Variants in CD1D observed in about 807,000 individuals in gnomAD.
CD1D encodes antigen-presenting glycoprotein CD1d.
In CD1D, 40 loss-of-function variants were observed where a neutral mutation model predicts 42.1. The observed-to-expected ratio is 0.95, with a 90% CI of 0.74 to 1.24. The LOEUF (loss-of-function observed/expected upper bound fraction) is 1.24. Among genes scored for constraint, CD1D ranks in the 50% most tolerant of loss-of-function variants. CD1D has a pLI of 0.00. For synonymous variants in CD1D, 178 were observed against 171.8 expected (o/e 1.04, Z -0.28); for missense variants, 437 against 416.5 (o/e 1.05, Z -0.43).
upstream of CD1D, chr1:158,180,262 C>T (rs1338375638): frequency 6.6e-6 from 1 of 152,234 alleles, no homozygotes; most frequent in Non-Finnish European, 1.5e-5. Context: ...TCATCTTACA[C>T]TTACTGTTTA....
intron 4 of CD1D, 74 bp from the exon 5 acceptor site, chr1:158,183,862 G>C: frequency 8.6e-7 from 1 of 1,162,742 alleles, no homozygotes; most frequent in Admixed American, 1.7e-5. Context: ...CCTCACACAT[G>C]CCTAGACCAG....
At position 158,180,976 on chromosome 1, in the gene CD1D, G is replaced by C. The variant is rs1372595745; in HGVS notation, c.-126G>C. 1.2e-6 allele frequency: 1 copy of C among 834,592 alleles called. No homozygotes were observed. The highest frequency in any genetic ancestry group is 1.7e-6 in the Non-Finnish European group (1 of 572,192). The allele number at this position is 834,592 out of a possible 1,614,324, so 51.7% of individuals were successfully genotyped here. ...CAAGCCCAGCGAGGAGGGCTGCCGG[G>C]GTCTGGGCTTGGGAATTGGCTGGCA... On this transcript the variant is annotated 5_prime_UTR_variant, in exon 1 of 6. Transcript: ENST00000674085.
intron 4 of CD1D, among the ~76,000 whole-genome samples, chr1:158,183,500 G>A (rs2101582009): frequency 6.6e-6 from 1 of 152,316 alleles, no homozygotes; most frequent in Non-Finnish European, 1.5e-5. Context: ...AAGATAGCTT[G>A]GTTGGTTGAG....
At chr1:158,178,622 A>G (rs78954064), upstream of CD1D, among the ~76,000 whole-genome samples, 1,962 of 152,218 alleles carry the variant, frequency 0.013, 56 homozygotes, top group African/African-American at 0.044. Context: ...ACCAAAATTA[A>G]CACATTTGCC....
At chr1:158,181,362 A>G in intron 1 of CD1D, 93 bp from the exon 2 acceptor site, 4 of 1,527,912 alleles carry the variant, frequency 2.6e-6, no homozygotes, top group Non-Finnish European at 3.6e-6. Context: ...CGCCTCCTGA[A>G]GCTCATCTCC....
In CD1D at chr1:158,185,579, C is replaced by T. The variant is rs536923069; in HGVS notation, c.*1429C>T. Reference sequence around the variant, plus strand: ...TGGTGAGCGCCTGTAGTCCTAGCTACTCTGGAGGCTGAGGTGGGAGGATCC... The same window carrying T: ...TGGTGAGCGCCTGTAGTCCTAGCTATTCTGGAGGCTGAGGTGGGAGGATCC... On this transcript the variant is annotated 3_prime_UTR_variant, in exon 6 of 6. Transcript: ENST00000674085. 3.3e-5 allele frequency among the ~76,000 whole-genome samples: 5 copies of T among 152,254 alleles called. No individual in the cohort carries two copies. The highest frequency in any genetic ancestry group is 1.2e-4 in the African/African-American group (5 of 41,538).
Position 158,181,441 on chromosome 1 carries a change from T to C in CD1D, c.62-14T>C, listed in dbSNP as rs1402231930. 6.2e-7 allele frequency: 1 copy of C among 1,612,074 alleles called. No homozygotes were observed. Among genetic ancestry groups the C allele is most frequent in the Non-Finnish European group, 8.5e-7 (1 of 1,178,592 alleles). ...GCCACTTGCTACACGCCTCCAATCTTCATTCTCTCCCAGTCCCGCAAAGGC... is the reference window on the plus strand; with the variant it reads ...GCCACTTGCTACACGCCTCCAATCTCCATTCTCTCCCAGTCCCGCAAAGGC... On this transcript the variant is annotated splice_polypyrimidine_tract_variant and intron_variant, in intron 1 of 5. Coordinates refer to ENST00000674085, the MANE Select transcript of CD1D (RefSeq NM_001371762.2).
Position 158,184,381 on chromosome 1 carries a change from A to G in CD1D, c.*231A>G. On this transcript the variant is annotated 3_prime_UTR_variant, in exon 6 of 6. Coordinates refer to ENST00000674085, the MANE Select transcript of CD1D (RefSeq NM_001371762.2). ...ATTACACTACAAGTTTATAAGCCCA[A>G]ATGGCTCTGTGAAATCAGAAGTGCA... 1.7e-6 allele frequency: 1 copy of G among 582,458 alleles called. No homozygotes were observed. The highest frequency in any genetic ancestry group is 3.0e-6 in the Non-Finnish European group (1 of 329,254). The allele number at this position is 582,458 out of a possible 1,614,324, so 36.1% of individuals were successfully genotyped here.
Position 158,181,010 on chromosome 1 carries a change from A to G in CD1D, c.-92A>G, listed in dbSNP as rs1306114331. The stretch of plus-strand genomic sequence containing the variant: ...TTGGGAATTGGCTGGCACCCAGCGG[A>G]AAGGGACGTGAGCTGAGCGGCGGGG... On this transcript the variant is annotated 5_prime_UTR_variant, in exon 1 of 6. Transcript: ENST00000674085. 2 of 1,187,240 alleles carry G rather than the reference A, an allele frequency of 1.7e-6. No individual in the cohort carries two copies. Among genetic ancestry groups the G allele is most frequent in the Admixed American group, 2.8e-5 (1 of 35,136 alleles). The allele number at this position is 1,187,240 out of a possible 1,614,324, so 73.5% of individuals were successfully genotyped here.
chr1:158,185,908 T>C lies in CD1D; in HGVS notation c.*1758T>C, dbSNP rs1648685717. 6.6e-6 allele frequency among the ~76,000 whole-genome samples: 1 copy of C among 152,170 alleles called. No homozygotes were observed. The highest frequency in any genetic ancestry group is 1.5e-5 in the Non-Finnish European group (1 of 68,026). On this transcript the variant is annotated 3_prime_UTR_variant, in exon 6 of 6. Coordinates refer to ENST00000674085, the MANE Select transcript of CD1D (RefSeq NM_001371762.2). ...GTTAGAGAACCACTGTTCTTAGACA[T>C]TGTGCAATGTTATACAACAACTTCC...
chr1:158,182,254 G>A lies in CD1D; in HGVS notation c.551G>A (p.Cys184Tyr). 1 of 1,614,164 alleles carries A rather than the reference G, an allele frequency of 6.2e-7. No individual in the cohort carries two copies. The highest frequency in any genetic ancestry group is 8.5e-7 in the Non-Finnish European group (1 of 1,180,020). Residue 184 changes from cysteine (C) to tyrosine (Y), a missense_variant, in exon 3 of 6, where the codon TGC (cysteine) becomes TAC (tyrosine). Physicochemically the swap from Cys to Tyr is radical, Grantham distance 194. Transcript: ENST00000674085. ...ETVQWLLNGT[C>Y]PQFVSGLLES... ...GTGCAGTGGCTCCTTAATGGCACCTGCCCCCAATTTGTCAGTGGCCTCCTT... is the reference window on the plus strand; with the variant it reads ...GTGCAGTGGCTCCTTAATGGCACCTACCCCCAATTTGTCAGTGGCCTCCTT...
At chr1:158,181,788 G>GTT in intron 2 of CD1D, 67 bp downstream of exon 2, 1 of 1,568,082 alleles carries the variant, frequency 6.4e-7, no homozygotes, top group Non-Finnish European at 8.7e-7. Flanking sequence ...AACTCAACTG[G>GTT]GAGACTGTGG....
rs926468074 is a variant in CD1D at position 158,184,915 on chromosome 1, GAAA to G, written c.*770_*772del. The G allele has an allele frequency of 7.2e-5, 11 of 151,784 alleles. No individual in the cohort carries two copies. Among genetic ancestry groups the G allele is most frequent in the African/African-American group, 2.7e-4 (11 of 41,356 alleles). 9.4% of individuals were successfully genotyped at this position (151,784 alleles called of 1,614,324 possible). A position where few individuals can be genotyped will look rare whatever the true frequency, so the allele number is the denominator to read the frequency against. Reference sequence around the variant, plus strand: ...AATCATAGTGTATGTGTATTATGTTGAAAAAAACTACTCTGAGTAAGGATATTT... The same window carrying G: ...AATCATAGTGTATGTGTATTATGTTGAAAACTACTCTGAGTAAGGATATTT... On this transcript the variant is annotated 3_prime_UTR_variant, in exon 6 of 6. Coordinates refer to ENST00000674085, the MANE Select transcript of CD1D (RefSeq NM_001371762.2).
At chr1:158,182,358 C>A (rs1299385334) in intron 3 of CD1D, 48 bp downstream of exon 3, 1 of 1,604,820 alleles carries the variant, frequency 6.2e-7, no homozygotes, top group Admixed American at 1.7e-5. Context: ...GGGCTCCAAA[C>A]GGGCTTTTCC....
intron 3 of CD1D, 167 bp downstream of exon 3, chr1:158,182,477 C>T (rs1284282420): frequency 8.3e-6 from 6 of 727,048 alleles, no homozygotes; most frequent in Admixed American, 5.5e-5. Flanking sequence ...CTGAGCACCT[C>T]TTGGGTTCTA....
rs757957240 is a variant in CD1D at position 158,184,170 on chromosome 1, GTC to G, written c.*24_*25del. The G allele has an allele frequency of 6.2e-7, 1 of 1,613,762 alleles. No individual in the cohort carries two copies. The highest frequency in any genetic ancestry group is 8.5e-7 in the Non-Finnish European group (1 of 1,179,894). On this transcript the variant is annotated 3_prime_UTR_variant, in exon 6 of 6. Coordinates refer to ENST00000674085, the MANE Select transcript of CD1D (RefSeq NM_001371762.2). ...CTGTGACTCGCCTTGCCACATCTGT[GTC>G]TCTGGAACCCAGGACCTCTGGACCT...
Position 158,185,175 on chromosome 1 carries a change from T to TA in CD1D, c.*1026dup. Among the ~76,000 whole-genome samples the TA allele has an allele frequency of 2.0e-5, 3 of 152,244 alleles. No homozygotes were observed. In the Middle Eastern group the frequency reaches 0.01, roughly 518 times the overall value. On this transcript the variant is annotated 3_prime_UTR_variant, in exon 6 of 6. Transcript: ENST00000674085. ...CTTAGAGAGGACAGAGCAGGAAACT[T>TA]ACAGGGGTAGCAGACCTTTCTGATG...
chr1:158,185,736 C>A lies in CD1D; in HGVS notation c.*1586C>A, dbSNP rs1648678452. 6.6e-6 allele frequency among the ~76,000 whole-genome samples: 1 copy of A among 152,138 alleles called. No homozygotes were observed. Among genetic ancestry groups the A allele is most frequent in the South Asian group, 2.1e-4 (1 of 4,826 alleles). On this transcript the variant is annotated 3_prime_UTR_variant, in exon 6 of 6. Transcript: ENST00000674085. Reference sequence around the variant, plus strand: ...ATCAATGGTTCCCAAATTGTAGTAACCTGACCAACAGCCTCAGCAGGACCT... The same window carrying A: ...ATCAATGGTTCCCAAATTGTAGTAAACTGACCAACAGCCTCAGCAGGACCT...
Position 158,183,974 on chromosome 1 carries a change from G to A in CD1D, c.925G>A (p.Val309Ile), listed in dbSNP as rs760905720. 6.2e-7 allele frequency: 1 copy of A among 1,614,236 alleles called. No homozygotes were observed. Among genetic ancestry groups the A allele is most frequent in the Admixed American group, 1.7e-5 (1 of 60,034 alleles). The change falls in exon 5 of 6, where the codon GTC becomes ATC. Residue 309 changes from valine (V) to isoleucine (I), a missense_variant. By Grantham distance (29) the Val-to-Ile change is conservative. Coordinates refer to ENST00000674085, the MANE Select transcript of CD1D (RefSeq NM_001371762.2). ...CTCCATGGGCTTGATTGCCTTGGCAGTCCTGGCGTGCTTGCTGTTCCTCCT... is the reference window on the plus strand; with the variant it reads ...CTCCATGGGCTTGATTGCCTTGGCAATCCTGGCGTGCTTGCTGTTCCTCCT... ...YTSMGLIALAVLACLLFLLIV... is the reference protein window; with the variant it reads ...YTSMGLIALAILACLLFLLIV...
Sources: gnomAD v4.1 joint callset for allele counts (sites outside exome capture counted in the v4.1 genomes callset) on GRCh38, gnomAD v4.1.1 for gene constraint, MANE v1.5 for transcripts, NCBI Gene and HGNC (gene_info 2026-07-23, HGNC 2026-07-21) for gene names.